The following NRG3 variants were observed in gnomAD, a reference collection of about 807,000 sequenced individuals.
NRG3 encodes the protein neuregulin 3.
Under a neutral mutation model 66.9 loss-of-function variants are expected in NRG3, and 31 were observed. That is an observed-to-expected ratio of 0.46 (90% CI 0.35 to 0.63). NRG3 has a LOEUF of 0.63. Among genes scored for constraint, NRG3 ranks in the 20% least tolerant of loss-of-function variants. The probability of loss-of-function intolerance (pLI) is 0.00; values close to 1 mark genes in which losing one functional copy is unlikely to be tolerated. For synonymous variants in NRG3, 393 were observed against 359.4 expected, an observed-to-expected ratio of 1.09 and a Z score of -1.06; for missense variants, 910 against 878.9, an observed-to-expected ratio of 1.04 and a Z score of -0.45.
intron 1 of NRG3, among the ~76,000 whole-genome samples, chr10:82,247,129 A>G (rs2077281025): frequency 1.3e-5 from 2 of 152,212 alleles, no homozygotes; most frequent in African/African-American, 2.4e-5. Flanking sequence ...CTGGTCTAAC[A>G]TGTCTGCCAA....
At chr10:82,770,286 T>A (rs1485858852) in intron 3 of NRG3, among the ~76,000 whole-genome samples, 1 of 152,154 alleles carries the variant, frequency 6.6e-6, no homozygotes, top group Non-Finnish European at 1.5e-5. Context: ...CATTATTTTC[T>A]ATTCAAGTAC....
chr10:81,902,732 C>T (rs1371200707), intron 1 of NRG3, among the ~76,000 whole-genome samples: 2 of 152,264 alleles, frequency 1.3e-5, no homozygotes, highest in East Asian at 1.9e-4. Flanking sequence ...AGGTAGGATA[C>T]GTGGTTTACA....
intron 1 of NRG3, among the ~76,000 whole-genome samples, chr10:82,275,422 A>G (rs1167133037): frequency 1.3e-5 from 2 of 152,120 alleles, no homozygotes; most frequent in Non-Finnish European, 2.9e-5. Flanking sequence ...TGAATTTTCT[A>G]GAAGGGTCAA....
chr10:82,713,250 T>C (rs1224928647), intron 2 of NRG3, among the ~76,000 whole-genome samples: 1 of 151,962 alleles, frequency 6.6e-6, no homozygotes, highest in Non-Finnish European at 1.5e-5. Context: ...GGGGATTTGC[T>C]CTCAAGAGTA....
intron 2 of NRG3, among the ~76,000 whole-genome samples, chr10:82,690,879 C>A (rs1312368613): frequency 6.6e-6 from 1 of 152,008 alleles, no homozygotes; most frequent in African/African-American, 2.4e-5. Flanking sequence ...TATCTCATAT[C>A]CCTATTAAAA....
At chr10:82,111,701 G>A (rs1488442971) in intron 1 of NRG3, among the ~76,000 whole-genome samples, 1 of 151,974 alleles carries the variant, frequency 6.6e-6, no homozygotes. Flanking sequence ...TATAATGAGG[G>A]TCTCTATTAA....
At chr10:82,792,810 A>G (rs1421968747) in intron 3 of NRG3, among the ~76,000 whole-genome samples, 1 of 151,976 alleles carries the variant, frequency 6.6e-6, no homozygotes, top group Non-Finnish European at 1.5e-5. Context: ...CCTCCTGAGT[A>G]GCTGGGATTT....
At chr10:82,761,234 AT>A (rs1411842020) in intron 3 of NRG3, among the ~76,000 whole-genome samples, 14 of 152,220 alleles carry the variant, frequency 9.2e-5, no homozygotes, top group African/African-American at 3.4e-4. Flanking sequence ...ATCAAGGCTT[AT>A]CTAAAAACAC....
At chr10:82,769,455 T>C (rs1318596150) in intron 3 of NRG3, among the ~76,000 whole-genome samples, 4 of 152,130 alleles carry the variant, frequency 2.6e-5, no homozygotes, top group Non-Finnish European at 5.9e-5. Flanking sequence ...TAACTTTAAT[T>C]ACTTGAATTT....
intron 1 of NRG3, among the ~76,000 whole-genome samples, chr10:82,301,942 G>A (rs2080428470): frequency 6.6e-6 from 1 of 151,650 alleles, no homozygotes; most frequent in Non-Finnish European, 1.5e-5. Context: ...AACAATCTTA[G>A]TTAATAGACT....
At chr10:82,726,081 G>A (rs547210140) in intron 2 of NRG3, among the ~76,000 whole-genome samples, 1 of 152,262 alleles carries the variant, frequency 6.6e-6, no homozygotes, top group East Asian at 1.9e-4. Flanking sequence ...GGTGGGGTCT[G>A]CAACCCAAGG....
chr10:82,372,919 A>T (rs986403169), intron 2 of NRG3, among the ~76,000 whole-genome samples: 1 of 152,200 alleles, frequency 6.6e-6, no homozygotes, highest in Non-Finnish European at 1.5e-5. Flanking sequence ...GATGTAGGAA[A>T]TGATTTTTCA....
chr10:82,280,615 G>T (rs1158208138), intron 1 of NRG3, among the ~76,000 whole-genome samples: 1 of 152,158 alleles, frequency 6.6e-6, no homozygotes, highest in African/African-American at 2.4e-5. Flanking sequence ...GGTCATTGTA[G>T]GCATTTGGAG....
intron 3 of NRG3, among the ~76,000 whole-genome samples, chr10:82,822,987 C>A (rs569848249): frequency 2.0e-5 from 3 of 152,280 alleles, no homozygotes; most frequent in East Asian, 3.9e-4. Context: ...AATTCGAATG[C>A]CTAGTATACC....
intron 2 of NRG3, among the ~76,000 whole-genome samples, chr10:82,648,839 T>G (rs529065552): frequency 6.6e-5 from 10 of 152,234 alleles, no homozygotes; most frequent in African/African-American, 2.4e-4. Context: ...ATGCTTGTGA[T>G]TTTTGTACAT....
At chr10:82,181,711 C>T (rs2073430645) in intron 1 of NRG3, among the ~76,000 whole-genome samples, 1 of 151,720 alleles carries the variant, frequency 6.6e-6, no homozygotes, top group South Asian at 2.1e-4. Flanking sequence ...CTGTGTATAC[C>T]TGAGAAGAAA....
intron 3 of NRG3, among the ~76,000 whole-genome samples, chr10:82,765,820 A>C (rs559681804): frequency 6.6e-6 from 1 of 152,282 alleles, no homozygotes; most frequent in East Asian, 1.9e-4. Context: ...GGAATGAATA[A>C]ATATCATCTA....
intron 1 of NRG3, among the ~76,000 whole-genome samples, chr10:82,199,690 C>G (rs2074667503): frequency 6.6e-6 from 1 of 152,032 alleles, no homozygotes; most frequent in African/African-American, 2.4e-5. Flanking sequence ...TAGGTTAGCA[C>G]CTGTCATCAA....
chr10:82,573,840 G>A (rs2790712), intron 2 of NRG3, among the ~76,000 whole-genome samples: 12,795 of 151,778 alleles, frequency 0.084, 623 homozygotes, highest in East Asian at 0.15. Flanking sequence ...GGAGAAACTG[G>A]AAGAGACCTC....
Sources: gnomAD v4.1 joint callset for allele counts (sites outside exome capture counted in the v4.1 genomes callset) on GRCh38, gnomAD v4.1.1 for gene constraint, MANE v1.5 for transcripts, NCBI Gene and HGNC (gene_info 2026-07-23, HGNC 2026-07-21) for gene names.